Variants in L3MBTL4 observed in about 807,000 individuals in gnomAD.
The protein encoded by L3MBTL4 is lethal(3)malignant brain tumor-like protein 4.
L3MBTL4 carries 70 observed loss-of-function variants against 84.5 expected under a neutral mutation model. The ratio of observed to expected loss-of-function variants is 0.83; its 90% confidence interval spans 0.68 to 1.01. The LOEUF (loss-of-function observed/expected upper bound fraction) is 1.01, where lower values mean the gene tolerates loss of function less well. Ranked by LOEUF, L3MBTL4 falls within the 50% of genes least tolerant of loss-of-function variation. The pLI is 0.00. For missense variants in L3MBTL4, 715 were observed against 754.8 expected, an observed-to-expected ratio of 0.95 and a Z score of 0.62; for synonymous variants, 274 against 259.8, an observed-to-expected ratio of 1.05 and a Z score of -0.52.
At chr18:5,969,356 CA>C in intron 17 of L3MBTL4, 36 bp downstream of exon 17, 1 of 1,610,718 alleles carries the variant, frequency 6.2e-7, no homozygotes, top group Non-Finnish European at 8.5e-7. Context: ...CAGCAGCAGG[CA>C]CACCCCAGCC....
chr18:5,977,241 C>T (rs1320982337), intron 16 of L3MBTL4, among the ~76,000 whole-genome samples: 2 of 152,370 alleles, frequency 1.3e-5, no homozygotes, highest in African/African-American at 4.8e-5. Context: ...GTGCCCAGCT[C>T]CTCCCTGCAA....
chr18:6,150,169 GC>G (rs1386239732), intron 13 of L3MBTL4, among the ~76,000 whole-genome samples: 1 of 152,118 alleles, frequency 6.6e-6, no homozygotes, highest in Non-Finnish European at 1.5e-5. Flanking sequence ...CTGGTTAGTT[GC>G]TGATAGAAAT....
chr18:5,985,230 T>C (rs1355422263), intron 16 of L3MBTL4, among the ~76,000 whole-genome samples: 1 of 152,292 alleles, frequency 6.6e-6, no homozygotes, highest in South Asian at 2.1e-4. Context: ...ATGGGAGAGA[T>C]GATACTAGGG....
Position 6,231,952 on chromosome 18 carries a change from T to G in L3MBTL4, c.784+6012A>C, listed in dbSNP as rs79893536. Among the ~76,000 whole-genome samples, 534 of 152,212 alleles carry G rather than the reference T, an allele frequency of 3.5e-3. 1 individual carries two copies. Among genetic ancestry groups the G allele is most frequent in the African/African-American group, 0.012 (497 of 41,566 alleles). ...AAACAAAATGATGAAAGTGGGTATC[T>G]TTACCTTGTTCCTGATCTTACAGGA... On this transcript the variant is annotated intron_variant, in intron 10 of 18. Coordinates refer to ENST00000317931, the MANE Select transcript of L3MBTL4 (RefSeq NM_001330559.2).
At chr18:6,302,799 A>G (rs958804513) in intron 3 of L3MBTL4, among the ~76,000 whole-genome samples, 1 of 152,184 alleles carries the variant, frequency 6.6e-6, no homozygotes, top group Non-Finnish European at 1.5e-5. Flanking sequence ...CCTGGCCAAC[A>G]TGGTGAAAAT....
At chr18:6,186,146 G>A (rs188418776) in intron 12 of L3MBTL4, among the ~76,000 whole-genome samples, 13 of 151,996 alleles carry the variant, frequency 8.6e-5, no homozygotes, top group Non-Finnish European at 1.8e-4. Flanking sequence ...CCAAGTAGCC[G>A]GGACTACAGG....
chr18:6,378,591 CTTGT>C lies in L3MBTL4; in HGVS notation c.-91+36206_-91+36209del, dbSNP rs890654048. Among the ~76,000 whole-genome samples the C allele has an allele frequency of 2.0e-3, 286 of 143,512 alleles. 2 individuals carry two copies. The highest frequency in any genetic ancestry group is 6.9e-3 in the African/African-American group (281 of 40,896). 94.1% of individuals were successfully genotyped at this position (143,512 alleles called of 152,430 possible). A position where few individuals can be genotyped will look rare whatever the true frequency, so the allele number is the denominator to read the frequency against. ...TAAATAGGGAATCCTTTCCCCATTGCTTGTTTGTGTCAGGTTTGTCAAAGATCAG... is the reference window on the plus strand; with the variant it reads ...TAAATAGGGAATCCTTTCCCCATTGCTTGTGTCAGGTTTGTCAAAGATCAG... On this transcript the variant is annotated intron_variant, in intron 1 of 18. Transcript: ENST00000317931.
intron 16 of L3MBTL4, among the ~76,000 whole-genome samples, chr18:6,001,192 C>T (rs1019806719): frequency 6.6e-6 from 1 of 152,206 alleles, no homozygotes; most frequent in South Asian, 2.1e-4. Context: ...AAGGTGCAGG[C>T]CAGAGGCCTT....
At chr18:6,223,560 A>G (rs1210373236) in intron 10 of L3MBTL4, among the ~76,000 whole-genome samples, 5 of 152,242 alleles carry the variant, frequency 3.3e-5, no homozygotes, top group Admixed American at 2.0e-4. Flanking sequence ...ACACATGGAT[A>G]TGAGCATGTA....
rs36091567 is a variant in L3MBTL4, at chr18:6,099,585, AATATATATATAT to A, written c.1200-6069_1200-6058del. ...TATCTATAGATAGATAGATAATGTAAATATATATATATATATATATATGGAGAGAGAGAGAGG... is the reference window on the plus strand; with the variant it reads ...TATCTATAGATAGATAGATAATGTAAATATATATATGGAGAGAGAGAGAGG... On this transcript the variant is annotated intron_variant, in intron 14 of 18. Coordinates refer to ENST00000317931, the MANE Select transcript of L3MBTL4 (RefSeq NM_001330559.2). 1.1e-4 allele frequency among the ~76,000 whole-genome samples: 7 copies of A among 64,700 alleles called. 1 individual carries two copies. The highest frequency in any genetic ancestry group is 2.1e-4 in the Non-Finnish European group (5 of 24,098). 42.4% of individuals were successfully genotyped at this position (64,700 alleles called of 152,430 possible).
intron 10 of L3MBTL4, among the ~76,000 whole-genome samples, chr18:6,235,737 A>G (rs2047191696): frequency 6.6e-6 from 1 of 152,220 alleles, no homozygotes; most frequent in Non-Finnish European, 1.5e-5. Flanking sequence ...AGGGAATAAA[A>G]AAGTTTTGAA....
Position 6,070,085 on chromosome 18 carries a change from T to C in L3MBTL4, c.1444+10796A>G, listed in dbSNP as rs2057534692. Reference sequence around the variant, plus strand: ...AAGACATAACTAAGAAAGTCTAATATATTCGCAGATGGAGTCTCAATAGGG... The same window carrying C: ...AAGACATAACTAAGAAAGTCTAATACATTCGCAGATGGAGTCTCAATAGGG... On this transcript the variant is annotated intron_variant, in intron 16 of 18. Transcript: ENST00000317931. Among the ~76,000 whole-genome samples, 8 of 152,142 alleles carry C rather than the reference T, an allele frequency of 5.3e-5. No individual in the cohort carries two copies. In the South Asian group the frequency reaches 1.5e-3, roughly 28 times the overall value.
intron 14 of L3MBTL4, among the ~76,000 whole-genome samples, chr18:6,127,471 T>C (rs2059732564): frequency 6.6e-6 from 1 of 152,158 alleles, no homozygotes; most frequent in Admixed American, 6.5e-5. Context: ...AATAAAACCA[T>C]AAACTATTAG....
intron 16 of L3MBTL4, among the ~76,000 whole-genome samples, chr18:6,064,597 G>A (rs1262802463): frequency 3.7e-5 from 1 of 27,172 alleles, no homozygotes; most frequent in African/African-American, 1.1e-4. Context: ...TATATTCCTA[G>A]GTTTTTTTTT....
chr18:5,960,254 C>A, intron 17 of L3MBTL4, 98 bp from the exon 18 acceptor site: 2 of 597,560 alleles, frequency 3.3e-6, no homozygotes, highest in East Asian at 3.4e-5. Flanking sequence ...CTTAAAATCT[C>A]TCAAACTCTT....
At chr18:6,094,223 C>A (rs1461675873) in intron 14 of L3MBTL4, among the ~76,000 whole-genome samples, 1 of 152,200 alleles carries the variant, frequency 6.6e-6, no homozygotes, top group Non-Finnish European at 1.5e-5. Context: ...GGCTGATGGG[C>A]TGTCTCCATT....
intron 1 of L3MBTL4, among the ~76,000 whole-genome samples, chr18:6,333,357 G>A (rs1466109847): frequency 1.3e-5 from 2 of 152,006 alleles, no homozygotes; most frequent in African/African-American, 4.8e-5. Context: ...GGCAGATCAC[G>A]AGGTCAAGAG....
Position 6,264,042 on chromosome 18 carries a change from G to C in L3MBTL4, c.128-4C>G. 6.2e-7 allele frequency: 1 copy of C among 1,603,620 alleles called. No individual in the cohort carries two copies. ...CCCTGTGCAGCCGCTGAAGGGACTGGAAGAGAAAACACAATGACTTTTCTC... is the reference window on the plus strand; with the variant it reads ...CCCTGTGCAGCCGCTGAAGGGACTGCAAGAGAAAACACAATGACTTTTCTC... On this transcript the variant is annotated splice_polypyrimidine_tract_variant and splice_region_variant and intron_variant, in intron 4 of 18. Transcript: ENST00000317931.
intron 16 of L3MBTL4, among the ~76,000 whole-genome samples, chr18:5,977,901 T>C (rs2053022737): frequency 6.6e-6 from 1 of 152,206 alleles, no homozygotes; most frequent in Non-Finnish European, 1.5e-5. Flanking sequence ...CTGGGTACCC[T>C]GCCACTGGCT....
Sources: gnomAD v4.1 joint callset for allele counts (sites outside exome capture counted in the v4.1 genomes callset) on GRCh38, gnomAD v4.1.1 for gene constraint, MANE v1.5 for transcripts, NCBI Gene and HGNC (gene_info 2026-07-23, HGNC 2026-07-21) for gene names.